The following GPSM1 variants were observed in gnomAD, a reference collection of about 807,000 sequenced individuals.
The protein encoded by GPSM1 is G protein-signaling modulator 1.
In GPSM1, 48 loss-of-function variants were observed where a neutral mutation model predicts 70.5. The ratio of observed to expected loss-of-function variants is 0.68; its 90% CI spans 0.54 to 0.87. The LOEUF (loss-of-function observed/expected upper bound fraction) is 0.87, where lower values mean the gene tolerates loss of function less well. Among genes scored for constraint, GPSM1 ranks in the 40% least tolerant of loss-of-function variants. GPSM1 has a pLI of 0.00. For missense variants in GPSM1, 981 were observed against 972.6 expected, an observed-to-expected ratio of 1.01 and a Z score of -0.11; for synonymous variants, 416 against 430.1, an observed-to-expected ratio of 0.97 and a Z score of 0.41.
At chr9:136,347,346 C>T (rs1183297506) in intron 9 of GPSM1, among the ~76,000 whole-genome samples, 5 of 152,046 alleles carry the variant, frequency 3.3e-5, no homozygotes, top group African/African-American at 1.2e-4. Context: ...CGCAGGGCTC[C>T]TGGGCACAGC....
intron 11 of GPSM1, among the ~76,000 whole-genome samples, chr9:136,352,197 G>A (rs28568597): frequency 0.51 from 23,963 of 46,758 alleles, 6,702 homozygotes; most frequent in East Asian, 0.73. Flanking sequence ...TGGTGACACC[G>A]ATGCTGCGCC....
At chr9:136,335,342 G>A (rs573709440) in intron 2 of GPSM1, among the ~76,000 whole-genome samples, 7 of 152,138 alleles carry the variant, frequency 4.6e-5, no homozygotes, top group South Asian at 4.1e-4. Context: ...CCTACTCCCC[G>A]CCGCCCCTTG....
At position 136,356,457 on chromosome 9, in the gene GPSM1, G is replaced by T. The variant is rs377760678; in HGVS notation, c.1728G>T (p.Leu576=). 16 of 1,611,628 alleles carry T rather than the reference G, an allele frequency of 9.9e-6. No individual in the cohort carries two copies. Among genetic ancestry groups the T allele is most frequent in the African/African-American group, 2.7e-5 (2 of 74,852 alleles). Residue 576 remains leucine, a synonymous_variant, in exon 13 of 14, where the codon CTG becomes CTT. Transcript: ENST00000440944. ...CCAGCGTGGGCAGCCTGCCGGGGCT[G>T]CGAATCACCCACAGCAATGCAGGGC... is the stretch of plus-strand genomic sequence containing the variant. The part of the protein sequence containing the change: ...QRASVGSLPG[L]RITHSNAGHL...
chr9:136,354,863 G>A, intron 11 of GPSM1: 2 of 1,007,072 alleles, frequency 2.0e-6, no homozygotes, highest in South Asian at 3.9e-5. Flanking sequence ...GGGTGTGGTG[G>A]GCACAGGGAC....
chr9:136,356,090 G>C (rs929546663), intron 12 of GPSM1, among the ~76,000 whole-genome samples: 12 of 152,096 alleles, frequency 7.9e-5, no homozygotes, highest in African/African-American at 2.7e-4. Flanking sequence ...GGCAGGGCGT[G>C]GGGGACTGGC....
At chr9:136,339,651 G>A (rs2131400320) in intron 7 of GPSM1, 56 bp from the exon 8 acceptor site, 4 of 1,234,396 alleles carry the variant, frequency 3.2e-6, no homozygotes, top group Non-Finnish European at 4.6e-6. Flanking sequence ...GGAGGGGCTG[G>A]GGCTGGGGGC....
chr9:136,349,792 C>A, intron 11 of GPSM1, 29 bp downstream of exon 11: 1 of 1,536,770 alleles, frequency 6.5e-7, no homozygotes, highest in East Asian at 2.4e-5. Context: ...AGATCCAGGC[C>A]GAGAGGGAGG....
chr9:136,354,924 G>T, intron 11 of GPSM1: 1 of 1,027,992 alleles, frequency 9.7e-7, no homozygotes, highest in Non-Finnish European at 1.2e-6. Context: ...CCAGGCCAAG[G>T]CTGGGGAGGC....
rs543716707 is a variant in GPSM1, at chr9:136,358,392, C to T, written c.*172C>T. ...GGCCAAGCTGCCCGTGGTGGGAGGGCGTGCTTCCATCCCGGGCTGGCCCCC... is the reference window on the plus strand; with the variant it reads ...GGCCAAGCTGCCCGTGGTGGGAGGGTGTGCTTCCATCCCGGGCTGGCCCCC... On this transcript the variant is annotated 3_prime_UTR_variant, in exon 14 of 14. Coordinates refer to ENST00000440944, the MANE Select transcript of GPSM1 (RefSeq NM_001145638.3). 1.7e-5 allele frequency: 11 copies of T among 645,046 alleles called. No homozygotes were observed. The highest frequency in any genetic ancestry group is 2.6e-5 in the Non-Finnish European group (10 of 382,950). The allele number at this position is 645,046 out of a possible 1,614,324, so 40.0% of individuals were successfully genotyped here.
rs1832682155 is a variant in GPSM1 at position 136,352,122 on chromosome 9, TTGCTGTTGGTG to T, written c.1455+2360_1455+2370del. Among the ~76,000 whole-genome samples, 4 of 85,224 alleles carry T rather than the reference TTGCTGTTGGTG, an allele frequency of 4.7e-5. 1 individual carries two copies. The highest frequency in any genetic ancestry group is 3.8e-4 in the East Asian group (1 of 2,628). The allele number at this position is 85,224 out of a possible 152,430, so 55.9% of individuals were successfully genotyped here. A position where few individuals can be genotyped will look rare whatever the true frequency, so the allele number is the denominator to read the frequency against. The stretch of plus-strand genomic sequence containing the variant: ...TGTTGGTGACACCAATGCTGCGCCG[TTGCTGTTGGTG>T]ACACCAATGCTGCGCCGTTGCTGTT... On this transcript the variant is annotated intron_variant, in intron 11 of 13. Transcript: ENST00000440944.
chr9:136,333,589 G>C (rs781816723), intron 1 of GPSM1, among the ~76,000 whole-genome samples: 8 of 152,200 alleles, frequency 5.3e-5, no homozygotes, highest in Non-Finnish European at 1.2e-4. Context: ...CGAAGGTGGG[G>C]GACCACGGCC....
Position 136,355,764 on chromosome 9 carries a change from G to A in GPSM1, c.1530G>A (p.Met510Ile), listed in dbSNP as rs1832798631. Reference protein sequence around the residue: ...DLLTKFQSSRMDDQRCPLDDG... With the variant: ...DLLTKFQSSRIDDQRCPLDDG... ...TGACCAAGTTCCAGAGCAGCCGCAT[G>A]GACGACCAGCGTTGTCCCCTGGACG... The change falls in exon 12 of 14, where the codon ATG becomes ATA. Residue 510 changes from methionine to isoleucine, a missense_variant. Physicochemically the swap from Met to Ile is conservative, Grantham distance 10. Coordinates refer to ENST00000440944, the MANE Select transcript of GPSM1 (RefSeq NM_001145638.3). 2 of 1,612,336 alleles carry A rather than the reference G, an allele frequency of 1.2e-6. No individual in the cohort carries two copies. The highest frequency in any genetic ancestry group is 1.7e-6 in the Non-Finnish European group (2 of 1,179,558).
At chr9:136,352,642 C>T (rs1021408007) in intron 11 of GPSM1, among the ~76,000 whole-genome samples, 1 of 152,234 alleles carries the variant, frequency 6.6e-6, no homozygotes, top group African/African-American at 2.4e-5. Flanking sequence ...AGGGCCGTCC[C>T]GGACAGAGGA....
In GPSM1 at chr9:136,357,830, C is replaced by T. The variant is rs369429755; in HGVS notation, c.1822-184C>T. 3.7e-4 allele frequency among the ~76,000 whole-genome samples: 57 copies of T among 152,330 alleles called. No individual in the cohort carries two copies. In the East Asian group the frequency reaches 6.8e-3, roughly 18 times the overall value. On this transcript the variant is annotated intron_variant, in intron 13 of 13. Transcript: ENST00000440944. ...TGGTGGCGGGGCCACCAGAAGACTG[C>T]GCTCAGGGCCCGGGCTCCCAGCACA...
chr9:136,354,243 A>G (rs1333747091), intron 11 of GPSM1, among the ~76,000 whole-genome samples: 5 of 152,154 alleles, frequency 3.3e-5, no homozygotes, highest in African/African-American at 9.7e-5. Flanking sequence ...TTGCTCCAGC[A>G]TGACCTTGGG....
At chr9:136,353,936 T>C (rs1420921158) in intron 11 of GPSM1, among the ~76,000 whole-genome samples, 1 of 152,154 alleles carries the variant, frequency 6.6e-6, no homozygotes, top group Non-Finnish European at 1.5e-5. Flanking sequence ...CTGGCCCAAG[T>C]GGATGTGGCC....
chr9:136,340,766 C>A lies in GPSM1; in HGVS notation c.1084-104C>A. 1 of 1,440,132 alleles carries A rather than the reference C, an allele frequency of 6.9e-7. No homozygotes were observed. Among genetic ancestry groups the A allele is most frequent in the Non-Finnish European group, 9.1e-7 (1 of 1,095,040 alleles). The allele number at this position is 1,440,132 out of a possible 1,614,324, so 89.2% of individuals were successfully genotyped here. On this transcript the variant is annotated intron_variant, in intron 8 of 13. Transcript: ENST00000440944. The surrounding 1 kb of genome is among the most constrained non-coding windows in gnomAD (Gnocchi z 7.3). ...GGGTCAGTGACCAGTTCAGGTCACTCAGAAGGTCAGGGACGGGTGTACTGG... is the reference window on the plus strand; with the variant it reads ...GGGTCAGTGACCAGTTCAGGTCACTAAGAAGGTCAGGGACGGGTGTACTGG...
At chr9:136,334,788 C>T in intron 2 of GPSM1, 120 bp downstream of exon 2, 4 of 803,752 alleles carry the variant, frequency 5.0e-6, no homozygotes, top group South Asian at 4.9e-5. Context: ...TGGGGACAGC[C>T]CTGCTGGTGG....
chr9:136,344,260 A>G (rs1832467128), intron 9 of GPSM1, among the ~76,000 whole-genome samples: 1 of 148,854 alleles, frequency 6.7e-6, no homozygotes, highest in African/African-American at 2.5e-5. Flanking sequence ...GGAGCAGGGG[A>G]GGCGCGGACA....
Sources: gnomAD v4.1 joint callset for allele counts (sites outside exome capture counted in the v4.1 genomes callset) on GRCh38, gnomAD v4.1.1 for gene constraint, Gnocchi (gnomAD v3.1) non-coding constraint, MANE v1.5 for transcripts, NCBI Gene and HGNC (gene_info 2026-07-23, HGNC 2026-07-21) for gene names.